The following MAP2K5 variants were observed in gnomAD, a reference collection of about 807,000 sequenced individuals.
The protein encoded by MAP2K5 is mitogen-activated protein kinase kinase 5.
MAP2K5 carries 49 observed loss-of-function variants against 83.1 expected under a neutral mutation model. That is an observed-to-expected ratio of 0.59 (90% CI 0.47 to 0.75). The LOEUF is 0.75. Among genes scored for constraint, MAP2K5 ranks in the 30% least tolerant of loss-of-function variants. MAP2K5 has a pLI of 0.00. For synonymous variants in MAP2K5, 202 were observed against 191.8 expected (o/e 1.05, Z -0.44); for missense variants, 457 against 557.5 (o/e 0.82, Z 1.82).
chr15:67,568,791 G>A (rs986844609), intron 3 of MAP2K5, among the ~76,000 whole-genome samples: 1 of 151,932 alleles, frequency 6.6e-6, no homozygotes. Context: ...CGGATCATGA[G>A]GTCAAGAGAT....
rs1316227577 is a variant in MAP2K5, at chr15:67,791,045, C to T, written c.1243-15601C>T. On this transcript the variant is annotated intron_variant, in intron 21 of 21. Transcript: ENST00000178640. ...CTGTCTACCCAGAGAGAGCTCCTCA[C>T]GCCATGAATAGTCCACCTGTGAGAC... Among the ~76,000 whole-genome samples, 7 of 152,328 alleles carry T rather than the reference C, an allele frequency of 4.6e-5. No individual in the cohort carries two copies. In the South Asian group the frequency reaches 1.2e-3, roughly 27 times the overall value.
chr15:67,658,432 C>T lies in MAP2K5; in HGVS notation c.737-121C>T. Reference sequence around the variant, plus strand: ...CATTGGACTAAAAAGTTTTATACTACACATCCAATGCATGCTGTAGGAAGT... The same window carrying T: ...CATTGGACTAAAAAGTTTTATACTATACATCCAATGCATGCTGTAGGAAGT... On this transcript the variant is annotated intron_variant, in intron 11 of 21. Coordinates refer to ENST00000178640, the MANE Select transcript of MAP2K5 (RefSeq NM_145160.3). 4.1e-6 allele frequency: 3 copies of T among 727,924 alleles called. No homozygotes were observed. The South Asian group carries it at 4.9e-5, about 12-fold the overall frequency. 45.1% of individuals were successfully genotyped at this position (727,924 alleles called of 1,614,324 possible).
intron 8 of MAP2K5, among the ~76,000 whole-genome samples, chr15:67,603,899 C>T (rs757041336): frequency 1.4e-4 from 22 of 152,142 alleles, no homozygotes; most frequent in Non-Finnish European, 2.6e-4. Flanking sequence ...TCATTGGTAA[C>T]AAAACTGCCT....
intron 21 of MAP2K5, among the ~76,000 whole-genome samples, chr15:67,805,359 G>A (rs1009430137): frequency 1.6e-4 from 25 of 152,214 alleles, no homozygotes; most frequent in African/African-American, 4.6e-4. Context: ...GGGCCATGCC[G>A]TCCCCTGCTC....
At chr15:67,699,214 C>G (rs2088347487) in intron 15 of MAP2K5, among the ~76,000 whole-genome samples, 1 of 151,642 alleles carries the variant, frequency 6.6e-6, no homozygotes, top group Non-Finnish European at 1.5e-5. Flanking sequence ...TGAATGAAAT[C>G]CTACCACAGA....
At chr15:67,672,246 C>T (rs1216812248) in intron 13 of MAP2K5, among the ~76,000 whole-genome samples, 2 of 150,916 alleles carry the variant, frequency 1.3e-5, no homozygotes, top group African/African-American at 4.9e-5. Context: ...ACACTGACTT[C>T]CACAATGGTT....
Position 67,692,399 on chromosome 15 carries a change from G to A in MAP2K5, c.848-80G>A, listed in dbSNP as rs948069672. 2.8e-5 allele frequency: 24 copies of A among 868,802 alleles called. No homozygotes were observed. The African/African-American group carries it at 2.9e-4, about 10-fold the overall frequency. 53.8% of individuals were successfully genotyped at this position (868,802 alleles called of 1,614,324 possible). A position where few individuals can be genotyped will look rare whatever the true frequency, so the allele number is the denominator to read the frequency against. ...TGATGTCATTTCTGCAACTTGGTGT[G>A]GTGTGCATGTGTGCTTTTAAAGAAC... On this transcript the variant is annotated intron_variant, in intron 13 of 21. Transcript: ENST00000178640.
At position 67,640,697 on chromosome 15, in the gene MAP2K5, C is replaced by A; in HGVS notation, c.586-5534C>A. The A allele has an allele frequency of 2.2e-6, 1 of 458,332 alleles. No individual in the cohort carries two copies. The highest frequency in any genetic ancestry group is 2.9e-6 in the Non-Finnish European group (1 of 348,336). 28.4% of individuals were successfully genotyped at this position (458,332 alleles called of 1,614,324 possible). On this transcript the variant is annotated intron_variant, in intron 9 of 21. Transcript: ENST00000178640. The surrounding 1 kb of genome is among the most constrained non-coding windows in gnomAD (Gnocchi z 4.6). Reference sequence around the variant, plus strand: ...CCTTGAAAATCTGTTGCTTTTCCTACTCAAAATGTTTCTCATGTTATGCTT... The same window carrying A: ...CCTTGAAAATCTGTTGCTTTTCCTAATCAAAATGTTTCTCATGTTATGCTT...
At chr15:67,662,056 A>G (rs936723542) in intron 12 of MAP2K5, among the ~76,000 whole-genome samples, 1 of 152,156 alleles carries the variant, frequency 6.6e-6, no homozygotes, top group Non-Finnish European at 1.5e-5. Flanking sequence ...AGTTATTTCC[A>G]AACTGTGGAA....
intron 7 of MAP2K5, among the ~76,000 whole-genome samples, chr15:67,593,207 T>G (rs1191372509): frequency 6.6e-6 from 1 of 152,190 alleles, no homozygotes; most frequent in African/African-American, 2.4e-5. Flanking sequence ...GCCATCTCAG[T>G]TTTTAAAAAG....
intron 13 of MAP2K5, among the ~76,000 whole-genome samples, chr15:67,674,544 C>G (rs774504057): frequency 6.6e-6 from 1 of 152,162 alleles, no homozygotes; most frequent in Non-Finnish European, 1.5e-5. Context: ...TTCTCCAGCT[C>G]TGACACTATC....
rs144896265 is a variant in MAP2K5 at position 67,543,355 on chromosome 15, G to T, written c.20G>T (p.Gly7Val). Residue 7 changes from glycine (G) to valine (V), a missense_variant, in exon 1 of 22, where the codon GGC becomes GTC. Gly to Val is a moderately radical substitution (Grantham distance 109, BLOSUM62 -3). Coordinates refer to ENST00000178640, the MANE Select transcript of MAP2K5 (RefSeq NM_145160.3). This position sits in a 1 kb window ranked among gnomAD's most constrained non-coding sequence, Gnocchi z 4.3. ...CCTGTAATGCTGTGGCTAGCCCTTG[G>T]CCCCTTTCCTGCCATGGAGAACCAG... MLWLAL[G>V]PFPAMENQVL... The T allele has an allele frequency of 1.9e-5, 31 of 1,614,196 alleles. No individual in the cohort carries two copies. The highest frequency in any genetic ancestry group is 1.8e-4 in the East Asian group (8 of 44,880).
rs1385550281 is a variant in MAP2K5, at chr15:67,790,208, T to C, written c.1243-16438T>C. On this transcript the variant is annotated intron_variant, in intron 21 of 21. Coordinates refer to ENST00000178640, the MANE Select transcript of MAP2K5 (RefSeq NM_145160.3). The surrounding 1 kb of genome is among the most constrained non-coding windows in gnomAD (Gnocchi z 4.6). ...GAATATTTATTTTTTCTATTTGTTT[T>C]AAGCCTGGGAAGACTGTGTGGTTTT... 1.3e-5 allele frequency among the ~76,000 whole-genome samples: 2 copies of C among 152,230 alleles called. No individual in the cohort carries two copies. The highest frequency in any genetic ancestry group is 2.4e-5 in the African/African-American group (1 of 41,450).
At chr15:67,686,036 T>G (rs1303135730) in intron 13 of MAP2K5, among the ~76,000 whole-genome samples, 1 of 152,132 alleles carries the variant, frequency 6.6e-6, no homozygotes, top group Non-Finnish European at 1.5e-5. Flanking sequence ...TAGTAGAGAT[T>G]AGTGGAATGC....
chr15:67,745,685 C>T (rs184082617), intron 17 of MAP2K5, among the ~76,000 whole-genome samples: 4 of 152,156 alleles, frequency 2.6e-5, no homozygotes, highest in Non-Finnish European at 5.9e-5. Context: ...ATATCTGAGA[C>T]AGAAAAAGGA....
intron 13 of MAP2K5, among the ~76,000 whole-genome samples, chr15:67,689,948 A>G (rs1274687557): frequency 2.0e-5 from 3 of 152,246 alleles, no homozygotes; most frequent in Admixed American, 6.5e-5. Flanking sequence ...CATGAGCCAC[A>G]GGACGGCTTT....
chr15:67,621,134 G>C (rs2086174985), intron 8 of MAP2K5, among the ~76,000 whole-genome samples: 1 of 152,072 alleles, frequency 6.6e-6, no homozygotes, highest in South Asian at 2.1e-4. Context: ...CTAATCAAAA[G>C]AATGCTGCTA....
At chr15:67,591,763 C>A (rs1322576674) in intron 6 of MAP2K5, among the ~76,000 whole-genome samples, 1 of 151,986 alleles carries the variant, frequency 6.6e-6, no homozygotes, top group Admixed American at 6.5e-5. Context: ...ACGGGTATAA[C>A]TCATTATAAA....
intron 13 of MAP2K5, among the ~76,000 whole-genome samples, chr15:67,674,786 G>A (rs995899093): frequency 3.9e-5 from 6 of 151,950 alleles, no homozygotes; most frequent in African/African-American, 1.5e-4. Context: ...TTAGAAAATG[G>A]GCAAAGACAT....
Sources: allele counts gnomAD v4.1 joint callset (sites outside exome capture counted in the v4.1 genomes callset), GRCh38; gene constraint gnomAD v4.1.1; non-coding constraint Gnocchi (gnomAD v3.1); transcripts MANE v1.5; gene names NCBI Gene and HGNC (gene_info 2026-07-23, HGNC 2026-07-21).